Variants in PEX19 observed in about 807,000 individuals in gnomAD.
PEX19 encodes 33 kDa housekeeping protein.
PEX19 carries 29 observed loss-of-function variants against 36.3 expected under a neutral mutation model. That is an observed-to-expected ratio of 0.80 (90% CI 0.60 to 1.09). The LOEUF is 1.09. Among genes scored for constraint, PEX19 ranks in the 50% least tolerant of loss-of-function variants. The pLI is 0.00. For synonymous variants in PEX19, 141 were observed against 135.2 expected (o/e 1.04, Z -0.30); for missense variants, 396 against 368.1 (o/e 1.08, Z -0.62).
At chr1:160,284,619 G>A (rs1167439864) in intron 1 of PEX19, among the ~76,000 whole-genome samples, 2 of 152,160 alleles carry the variant, frequency 1.3e-5, no homozygotes, top group African/African-American at 4.8e-5. Context: ...AGTGTCTTTC[G>A]TGTTAAGGAA....
rs1657624172 is a variant in PEX19, at chr1:160,278,352, G to A, written c.*1199C>T. 1.5e-6 allele frequency: 1 copy of A among 686,546 alleles called. No individual in the cohort carries two copies. The highest frequency in any genetic ancestry group is 1.5e-5 in the South Asian group (1 of 66,560). The allele number at this position is 686,546 out of a possible 1,614,324, so 42.5% of individuals were successfully genotyped here. On this transcript the variant is annotated 3_prime_UTR_variant, in exon 8 of 8. Transcript: ENST00000368072. ...CATCCAGTCTCCTTTGCCAACTGAGGTGCAGACTGAGTTGTGGAAGGTGGG... is the reference window on the plus strand; with the variant it reads ...CATCCAGTCTCCTTTGCCAACTGAGATGCAGACTGAGTTGTGGAAGGTGGG...
At chr1:160,280,590 C>G (rs1359973373) in intron 5 of PEX19, among the ~76,000 whole-genome samples, 2 of 151,878 alleles carry the variant, frequency 1.3e-5, no homozygotes, top group African/African-American at 4.8e-5. Context: ...GATCACCACT[C>G]ACTGCAGCCT....
In PEX19 at chr1:160,285,076, C is replaced by G. The variant is rs1395187523; in HGVS notation, c.49G>C (p.Glu17Gln). The G allele has an allele frequency of 3.1e-6, 5 of 1,613,902 alleles. No homozygotes were observed. In the South Asian group the frequency reaches 5.5e-5, roughly 18 times the overall value. Residue 17 changes from glutamate to glutamine, a missense_variant, in exon 1 of 8, where the codon GAA (glutamate) becomes CAA (glutamine). By Grantham distance (29) the Glu-to-Gln change is conservative (BLOSUM62 2). Transcript: ENST00000368072. ...TTACTTTCCAGAAGCTCCTCCAATTCCCTGTCCGCTTCGGCCCCGACACTA... is the reference window on the plus strand; with the variant it reads ...TTACTTTCCAGAAGCTCCTCCAATTGCCTGTCCGCTTCGGCCCCGACACTA... ...GCSVGAEADR[E>Q]LEELLESALD...
At chr1:160,282,885 C>T (rs1657834567) in intron 3 of PEX19, 59 bp downstream of exon 3, 2 of 1,565,890 alleles carry the variant, frequency 1.3e-6, no homozygotes, top group Admixed American at 1.7e-5. Flanking sequence ...CTGGTGTTTT[C>T]AGGCAACAAA....
At chr1:160,283,742 T>G in intron 1 of PEX19, 103 bp from the exon 2 acceptor site, 1 of 966,758 alleles carries the variant, frequency 1.0e-6, no homozygotes, top group East Asian at 2.5e-5. Flanking sequence ...TTTTTCAAAT[T>G]GCCAACTTTC....
In PEX19 at chr1:160,277,323, C is replaced by T. The variant is rs890322391; in HGVS notation, c.*2228G>A. On this transcript the variant is annotated 3_prime_UTR_variant, in exon 8 of 8. Coordinates refer to ENST00000368072, the MANE Select transcript of PEX19 (RefSeq NM_002857.4). ...TGATCAATGGACTTAACCTACAGAA[C>T]AGTCTGGCCAGTTTGGGTGCTGTCA... 4.4e-6 allele frequency: 2 copies of T among 455,838 alleles called. No individual in the cohort carries two copies. The highest frequency in any genetic ancestry group is 2.0e-5 in the African/African-American group (1 of 50,048). The allele number at this position is 455,838 out of a possible 1,614,324, so 28.2% of individuals were successfully genotyped here. A position where few individuals can be genotyped will look rare whatever the true frequency, so the allele number is the denominator to read the frequency against.
At chr1:160,283,185 G>A (rs1043398957) in intron 2 of PEX19, 76 bp from the exon 3 acceptor site, 20 of 1,489,012 alleles carry the variant, frequency 1.3e-5, no homozygotes, top group Admixed American at 3.3e-5. Context: ...GAAGCCACAG[G>A]CAGTGGCTAT....
At chr1:160,284,756 G>A (rs1284694166) in intron 1 of PEX19, among the ~76,000 whole-genome samples, 1 of 152,164 alleles carries the variant, frequency 6.6e-6, no homozygotes, top group African/African-American at 2.4e-5. Flanking sequence ...TGCTGAAGTC[G>A]AACTTTAAGA....
chr1:160,280,816 G>A (rs1657745065), intron 5 of PEX19, among the ~76,000 whole-genome samples: 1 of 152,128 alleles, frequency 6.6e-6, no homozygotes, highest in Non-Finnish European at 1.5e-5. Context: ...ACTACGCTCG[G>A]CTATTGCACA....
At chr1:160,284,741 A>G (rs1657936718) in intron 1 of PEX19, among the ~76,000 whole-genome samples, 1 of 152,192 alleles carries the variant, frequency 6.6e-6, no homozygotes, top group South Asian at 2.1e-4. Flanking sequence ...TGCTGCTGCT[A>G]CTGCTGCTGA....
rs774033710 is a variant in PEX19, at chr1:160,282,133, C to G, written c.500G>C (p.Gly167Ala). Residue 167 changes from glycine to alanine, a missense_variant, in exon 5 of 8, where the codon GGG becomes GCG. Physicochemically the swap from Gly to Ala is moderately conservative, Grantham distance 60. Transcript: ENST00000368072. ...MEGLGMDEGD[G>A]EGNILPIMQS... ...CATGATGGGGAGGATGTTCCCTTCC[C>G]CATCCCCTTCGTCCATGCCTAGCCC... 1 of 1,613,884 alleles carries G rather than the reference C, an allele frequency of 6.2e-7. No homozygotes were observed. The highest frequency in any genetic ancestry group is 1.1e-5 in the South Asian group (1 of 91,070).
Position 160,283,557 on chromosome 1 carries a change from CT to C in PEX19, c.152del (p.Gln51ArgfsTer41), listed in dbSNP as rs2101805722. 4 of 1,613,874 alleles carry C rather than the reference CT, an allele frequency of 2.5e-6. No individual in the cohort carries two copies. In the East Asian group the frequency reaches 8.9e-5, roughly 36 times the overall value. ...TGGCAGTGTCTCCTGGCGATCTCTT[CT>C]GGGGCCCCGAAGCATCAGGGGCCGT... ...TTTAPDASGP[Q>X]KRSPGDTAKD... On this transcript the variant is annotated frameshift_variant, in exon 2 of 8. Coordinates refer to ENST00000368072, the MANE Select transcript of PEX19 (RefSeq NM_002857.4). LOFTEE classifies it high-confidence loss of function.
At chr1:160,283,723 G>T in intron 1 of PEX19, 84 bp from the exon 2 acceptor site, 1 of 1,109,292 alleles carries the variant, frequency 9.0e-7, no homozygotes, top group Non-Finnish European at 1.4e-6. Flanking sequence ...CAAAGCATTA[G>T]GAATATGATT....
intron 1 of PEX19, 59 bp downstream of exon 1, chr1:160,284,996 C>T: frequency 8.2e-7 from 1 of 1,226,062 alleles, no homozygotes; most frequent in Non-Finnish European, 1.2e-6. Flanking sequence ...GTTCACTTAA[C>T]CCCCAGAATG....
chr1:160,278,474 C>A lies in PEX19; in HGVS notation c.*1077G>T, dbSNP rs1181107051. 1 of 535,206 alleles carries A rather than the reference C, an allele frequency of 1.9e-6. No homozygotes were observed. The highest frequency in any genetic ancestry group is 3.6e-6 in the Non-Finnish European group (1 of 281,344). The allele number at this position is 535,206 out of a possible 1,614,324, so 33.2% of individuals were successfully genotyped here. A position where few individuals can be genotyped will look rare whatever the true frequency, so the allele number is the denominator to read the frequency against. On this transcript the variant is annotated 3_prime_UTR_variant, in exon 8 of 8. Coordinates refer to ENST00000368072, the MANE Select transcript of PEX19 (RefSeq NM_002857.4). ...GAAGCTGAGGAAGATCAGAAAAAGACCACACTCCTCACTCAGAATATTTAT... is the reference window on the plus strand; with the variant it reads ...GAAGCTGAGGAAGATCAGAAAAAGAACACACTCCTCACTCAGAATATTTAT...
chr1:160,279,947 G>T (rs2101799638), intron 6 of PEX19, 102 bp from the exon 7 acceptor site: 4 of 1,381,338 alleles, frequency 2.9e-6, no homozygotes, highest in Non-Finnish European at 4.1e-6. Flanking sequence ...TTTCTTCTGA[G>T]AGAGATCACA....
chr1:160,279,610 C>G lies in PEX19; in HGVS notation c.841G>C (p.Asp281His), dbSNP rs746252462. The G allele has an allele frequency of 1.2e-6, 2 of 1,614,076 alleles. No homozygotes were observed. The highest frequency in any genetic ancestry group is 1.1e-5 in the South Asian group (1 of 91,086). Residue 281 changes from aspartate (D) to histidine (H), a missense_variant, in exon 8 of 8, where the codon GAT (aspartate) becomes CAT (histidine). Coordinates refer to ENST00000368072, the MANE Select transcript of PEX19 (RefSeq NM_002857.4). Reference sequence around the variant, plus strand: ...GGTGGGCCCGAAAGATTGAGGGCATCCAGGTCAAAGTTGAGGCCAGGAGGC... The same window carrying G: ...GGTGGGCCCGAAAGATTGAGGGCATGCAGGTCAAAGTTGAGGCCAGGAGGC... ...EMPPGLNFDL[D>H]ALNLSGPPGA...
At position 160,277,546 on chromosome 1, in the gene PEX19, C is replaced by T; in HGVS notation, c.*2005G>A. The stretch of plus-strand genomic sequence containing the variant: ...CAAAAGTTTTTGGAACAAAGTGTGA[C>T]CTGAGGTCAACCTGCTCACATTCAA... On this transcript the variant is annotated 3_prime_UTR_variant, in exon 8 of 8. Coordinates refer to ENST00000368072, the MANE Select transcript of PEX19 (RefSeq NM_002857.4). 1 of 454,514 alleles carries T rather than the reference C, an allele frequency of 2.2e-6. No homozygotes were observed. Among genetic ancestry groups the T allele is most frequent in the Admixed American group, 2.3e-5 (1 of 42,574 alleles). 28.2% of individuals were successfully genotyped at this position (454,514 alleles called of 1,614,324 possible).
chr1:160,282,166 G>A lies in PEX19; in HGVS notation c.467C>T (p.Ala156Val), dbSNP rs1657798165. 6.2e-7 allele frequency: 1 copy of A among 1,614,022 alleles called. No homozygotes were observed. The highest frequency in any genetic ancestry group is 1.3e-5 in the African/African-American group (1 of 74,904). ...TTCGTCCATGCCTAGCCCCTCCATG[G>A]CCTTGGTCAGCTCTTCTTCCGACAT... The part of the protein sequence containing the change: ...SSMSEEELTK[A>V]MEGLGMDEGD... The change falls in exon 5 of 8, where the codon GCC becomes GTC. Residue 156 changes from alanine (A) to valine (V), a missense_variant. By Grantham distance (64) the Ala-to-Val change is moderately conservative. Transcript: ENST00000368072.
Sources: gnomAD v4.1 joint callset for allele counts (sites outside exome capture counted in the v4.1 genomes callset) on GRCh38, gnomAD v4.1.1 for gene constraint, MANE v1.5 for transcripts, NCBI Gene and HGNC (gene_info 2026-07-23, HGNC 2026-07-21) for gene names.